Variants in HPSE2 observed in about 807,000 individuals in gnomAD.
The protein encoded by HPSE2 is inactive heparanase-2.
HPSE2 carries 38 observed loss-of-function variants against 60.5 expected under a neutral mutation model. The ratio of observed to expected loss-of-function variants is 0.63; its 90% CI spans 0.48 to 0.82. The LOEUF is 0.82. Ranked by LOEUF, HPSE2 falls within the 40% of genes least tolerant of loss-of-function variation. The probability of loss-of-function intolerance (pLI) is 0.00; values close to 1 mark genes in which losing one functional copy is unlikely to be tolerated. For missense variants in HPSE2, 713 were observed against 740.4 expected (o/e 0.96, Z 0.43); for synonymous variants, 295 against 293.2 (o/e 1.01, Z -0.06).
chr10:99,142,733 G>T (rs1845906476), intron 3 of HPSE2, among the ~76,000 whole-genome samples: 1 of 152,142 alleles, frequency 6.6e-6, no homozygotes, highest in Non-Finnish European at 1.5e-5. Context: ...AATTAGAAAA[G>T]ATTCCACTAA....
chr10:98,512,834 C>CACACACACACACACAT (rs1241255955), intron 9 of HPSE2, among the ~76,000 whole-genome samples: 1 of 151,750 alleles, frequency 6.6e-6, no homozygotes. Flanking sequence ...CACACACACA[C>CACACACACACACACAT]ACACACACAG....
chr10:98,788,905 C>A (rs945847129), intron 3 of HPSE2, among the ~76,000 whole-genome samples: 1 of 152,106 alleles, frequency 6.6e-6, no homozygotes, highest in Non-Finnish European at 1.5e-5. Flanking sequence ...CACCCGTCTT[C>A]TGCGTCGCTC....
At chr10:99,255,593 CACG>C in the HPSE2 span, among the ~76,000 whole-genome samples, 138 of 151,328 alleles carry the variant, frequency 9.1e-4, no homozygotes, top group Non-Finnish European at 1.8e-3. Flanking sequence ...CACACACACA[CACG>C]ACTACAATAG....
chr10:99,089,619 T>C (rs1347819493), intron 3 of HPSE2, among the ~76,000 whole-genome samples: 1 of 152,206 alleles, frequency 6.6e-6, no homozygotes, highest in East Asian at 1.9e-4. Flanking sequence ...GCCTCCAAGT[T>C]TGTTCTTTTT....
chr10:99,005,363 C>T (rs997508114), intron 3 of HPSE2, among the ~76,000 whole-genome samples: 25 of 152,014 alleles, frequency 1.6e-4, no homozygotes, highest in African/African-American at 5.1e-4. Context: ...TTTTATCATT[C>T]GACTACATAT....
In HPSE2 at chr10:98,656,761, GT is replaced by G. The variant is rs1395202438; in HGVS notation, c.1005-14822del. ...ACAAGAGAATAGAATCAGCTGATAG[GT>G]TTTTTTTTTTTTTTTTGGGATGGAG... On this transcript the variant is annotated intron_variant, in intron 6 of 11. Coordinates refer to ENST00000370552, the MANE Select transcript of HPSE2 (RefSeq NM_021828.5). Among the ~76,000 whole-genome samples the G allele has an allele frequency of 2.7e-3, 380 of 138,740 alleles. 2 individuals carry two copies. The highest frequency in any genetic ancestry group is 4.6e-3 in the African/African-American group (172 of 37,788). 91.0% of individuals were successfully genotyped at this position (138,740 alleles called of 152,430 possible). A position where few individuals can be genotyped will look rare whatever the true frequency, so the allele number is the denominator to read the frequency against.
chr10:99,131,196 T>C (rs1030175105), intron 3 of HPSE2, among the ~76,000 whole-genome samples: 1 of 152,180 alleles, frequency 6.6e-6, no homozygotes, highest in Non-Finnish European at 1.5e-5. Context: ...TACCTCAATG[T>C]AATAAAAGCC....
At chr10:98,950,993 G>C (rs1955339026) in intron 3 of HPSE2, among the ~76,000 whole-genome samples, 1 of 152,126 alleles carries the variant, frequency 6.6e-6, no homozygotes, top group South Asian at 2.1e-4. Flanking sequence ...ATAAAAGAAA[G>C]TTCACGAGAT....
At chr10:99,064,600 C>T (rs922181875) in intron 3 of HPSE2, among the ~76,000 whole-genome samples, 3 of 67,936 alleles carry the variant, frequency 4.4e-5, no homozygotes, top group African/African-American at 1.2e-4. Context: ...AAAATATTTA[C>T]TTAAATATAT....
intron 3 of HPSE2, among the ~76,000 whole-genome samples, chr10:99,062,140 C>A (rs573268520): frequency 6.6e-6 from 1 of 152,136 alleles, no homozygotes; most frequent in Non-Finnish European, 1.5e-5. Context: ...CATCCTAGGG[C>A]AGTGTTCTAT....
intron 7 of HPSE2, among the ~76,000 whole-genome samples, chr10:98,629,397 C>T (rs1213616847): frequency 2.0e-5 from 3 of 152,206 alleles, no homozygotes; most frequent in Non-Finnish European, 4.4e-5. Context: ...ACACAGAGCT[C>T]TTCTTAGGGA....
chr10:98,510,841 T>C (rs1417985317), intron 9 of HPSE2, among the ~76,000 whole-genome samples: 3 of 152,086 alleles, frequency 2.0e-5, no homozygotes, highest in Admixed American at 2.0e-4. Context: ...CTCTGTGAAA[T>C]GAGGCTGACT....
chr10:99,099,329 C>G (rs1422514410), intron 3 of HPSE2, among the ~76,000 whole-genome samples: 1 of 152,224 alleles, frequency 6.6e-6, no homozygotes, highest in Non-Finnish European at 1.5e-5. Flanking sequence ...TAGCAAATGG[C>G]ACACCAGGAG....
intron 3 of HPSE2, among the ~76,000 whole-genome samples, chr10:99,087,706 C>A (rs1843371937): frequency 6.6e-6 from 1 of 151,868 alleles, no homozygotes; most frequent in South Asian, 2.1e-4. Context: ...TGACGACTAG[C>A]CCACAGCAAA....
intron 7 of HPSE2, 65 bp downstream of exon 7, chr10:98,641,782 T>C: frequency 8.2e-7 from 1 of 1,219,228 alleles, no homozygotes; most frequent in Admixed American, 1.7e-5. Flanking sequence ...AGCTGGGACT[T>C]TGTGTCTTTT....
intron 6 of HPSE2, among the ~76,000 whole-genome samples, chr10:98,642,527 G>C (rs1946665704): frequency 6.6e-6 from 1 of 152,172 alleles, no homozygotes; most frequent in Non-Finnish European, 1.5e-5. Flanking sequence ...ACAAACTAAT[G>C]ATGAATGTAC....
At chr10:99,040,724 AT>A (rs1213262844) in intron 3 of HPSE2, among the ~76,000 whole-genome samples, 2 of 152,306 alleles carry the variant, frequency 1.3e-5, no homozygotes, top group Admixed American at 1.3e-4. Flanking sequence ...CTCTATTTAG[AT>A]TCTTAATTCA....
rs146962399 is a variant in HPSE2, at chr10:98,682,226, G to A, written c.1004+11674C>T. On this transcript the variant is annotated intron_variant, in intron 6 of 11. Coordinates refer to ENST00000370552, the MANE Select transcript of HPSE2 (RefSeq NM_021828.5). ...GGCACTCTCCCCTTCTCTGTCTCTT[G>A]TTTCTGCTGTCATCATGTGATGTGT... 6.7e-3 allele frequency among the ~76,000 whole-genome samples: 1,025 copies of A among 152,262 alleles called. 2 individuals carry two copies. Among genetic ancestry groups the A allele is most frequent in the Middle Eastern group, 0.024 (7 of 294 alleles).
At chr10:98,873,535 T>C (rs78470466) in intron 3 of HPSE2, among the ~76,000 whole-genome samples, 86 of 152,180 alleles carry the variant, frequency 5.7e-4, no homozygotes, top group African/African-American at 2.0e-3. Context: ...AAGGACATGA[T>C]CTCATTCCTT....
Sources: allele counts gnomAD v4.1 joint callset (sites outside exome capture counted in the v4.1 genomes callset), GRCh38; gene constraint gnomAD v4.1.1; transcripts MANE v1.5; gene names NCBI Gene and HGNC (gene_info 2026-07-23, HGNC 2026-07-21).